Variants in NRP1 observed in about 807,000 individuals in gnomAD.
NRP1 encodes neuropilin 1.
In NRP1, 35 loss-of-function variants were observed where a neutral mutation model predicts 106.7. That is an observed-to-expected ratio of 0.33 (90% confidence interval 0.25 to 0.43). NRP1 has a LOEUF of 0.43. NRP1 is among the 20% of genes least tolerant of loss of function. NRP1 has a pLI of 1.00. For synonymous variants in NRP1, 437 were observed against 417.9 expected (o/e 1.05, Z -0.56); for missense variants, 1,024 against 1,170.4 (o/e 0.87, Z 1.83).
At chr10:33,199,390 T>TATATATATATATATATATA (rs57198890) in intron 11 of NRP1, among the ~76,000 whole-genome samples, 2 of 30,746 alleles carry the variant, frequency 6.5e-5, no homozygotes, top group African/African-American at 1.9e-4. Context: ...TATATATATA[T>TATATATATATATATATATA]TTTTTTTTTT....
intron 2 of NRP1, among the ~76,000 whole-genome samples, chr10:33,299,334 C>T (rs1206286028): frequency 6.6e-6 from 1 of 152,178 alleles, no homozygotes; most frequent in Non-Finnish European, 1.5e-5. Flanking sequence ...GCACAACATA[C>T]CAGCTTTTGG....
At chr10:33,226,325 C>T (rs370423580) in intron 6 of NRP1, 36 bp from the exon 7 acceptor site, 58 of 1,606,888 alleles carry the variant, frequency 3.6e-5, no homozygotes, top group Non-Finnish European at 4.7e-5. Context: ...AGTGCACCAT[C>T]CCTGCAGCAC....
rs560877146 is a variant in NRP1 at position 33,193,949 on chromosome 10, C to A, written c.1925-1531G>T. Among the ~76,000 whole-genome samples, 6 of 152,262 alleles carry A rather than the reference C, an allele frequency of 3.9e-5. No homozygotes were observed. In the East Asian group the frequency reaches 1.2e-3, roughly 29 times the overall value. ...TGACCTCCCAAAGGGTAGACAGAGC[C>A]AGTTTGGGAAAGTAAACTAGTAAGC... On this transcript the variant is annotated intron_variant, in intron 12 of 16. Coordinates refer to ENST00000374867, the MANE Select transcript of NRP1 (RefSeq NM_003873.7).
intron 13 of NRP1, among the ~76,000 whole-genome samples, chr10:33,188,475 C>A (rs542871975): frequency 6.6e-6 from 1 of 152,224 alleles, no homozygotes; most frequent in South Asian, 2.1e-4. Flanking sequence ...TGTAACAGGG[C>A]TTCTCAAATG....
At position 33,186,472 on chromosome 10, in the gene NRP1, G is replaced by T. The variant is rs148243076; in HGVS notation, c.2079C>A (p.Ile693=). 9.9e-6 allele frequency: 16 copies of T among 1,612,122 alleles called. No individual in the cohort carries two copies. The Middle Eastern group carries it at 6.6e-4, about 67-fold the overall frequency. Residue 693 remains isoleucine (I), a synonymous_variant, in exon 14 of 17, where the codon ATC becomes ATA. Transcript: ENST00000374867. Reference sequence around the variant, plus strand: ...TCTGATTTTCGTCAGCTTGGGAATAGATGAAGTTGCCATCTCCTGCTGTGA... The same window carrying T: ...TCTGATTTTCGTCAGCTTGGGAATATATGAAGTTGCCATCTCCTGCTGTGA... ...IQDHTGDGNF[I]YSQADENQKG...
intron 8 of NRP1, among the ~76,000 whole-genome samples, chr10:33,220,453 C>T (rs1393177192): frequency 6.6e-6 from 1 of 152,184 alleles, no homozygotes; most frequent in East Asian, 1.9e-4. Context: ...TGTCTTTGAA[C>T]TTCCAAGCTT....
intron 1 of NRP1, among the ~76,000 whole-genome samples, chr10:33,331,813 G>C (rs1187869200): frequency 6.6e-6 from 1 of 152,112 alleles, no homozygotes; most frequent in African/African-American, 2.4e-5. Context: ...TCATACTGGA[G>C]CACCTCAGCC....
At chr10:33,331,357 T>G (rs1291007922) in intron 1 of NRP1, among the ~76,000 whole-genome samples, 2 of 152,234 alleles carry the variant, frequency 1.3e-5, no homozygotes. Context: ...GGGATTGTCT[T>G]TGATTGGCTT....
Position 33,224,314 on chromosome 10 carries a change from C to A in NRP1, c.1137+1820G>T, listed in dbSNP as rs1277675619. Among the ~76,000 whole-genome samples, 3 of 152,250 alleles carry A rather than the reference C, an allele frequency of 2.0e-5. No individual in the cohort carries two copies. In the Middle Eastern group the frequency reaches 0.01, roughly 518 times the overall value. On this transcript the variant is annotated intron_variant, in intron 7 of 16. Coordinates refer to ENST00000374867, the MANE Select transcript of NRP1 (RefSeq NM_003873.7). ...AACACCCCTGTAATCTGTGGGTGCT[C>A]TCCGACAGCCCCCCTCTTCTGGGCC...
chr10:33,307,803 C>T (rs1362823886), intron 2 of NRP1, among the ~76,000 whole-genome samples: 3 of 151,970 alleles, frequency 2.0e-5, no homozygotes, highest in Non-Finnish European at 1.5e-5. Context: ...TGTGATTTAC[C>T]AAATGCTTGT....
At chr10:33,298,152 A>G (rs1184493784) in intron 2 of NRP1, among the ~76,000 whole-genome samples, 1 of 152,190 alleles carries the variant, frequency 6.6e-6, no homozygotes. Context: ...GCAAGAAAGC[A>G]TATATTTTCA....
At chr10:33,248,842 A>G (rs552376042) in intron 6 of NRP1, among the ~76,000 whole-genome samples, 1 of 152,284 alleles carries the variant, frequency 6.6e-6, no homozygotes, top group African/African-American at 2.4e-5. Context: ...CCCAAACAGG[A>G]TGTGGTTTAG....
chr10:33,198,549 G>A (rs1300386858), intron 11 of NRP1, among the ~76,000 whole-genome samples: 1 of 151,906 alleles, frequency 6.6e-6, no homozygotes, highest in East Asian at 1.9e-4. Flanking sequence ...ATTCCCAGAC[G>A]ACGCATGGCA....
rs970301784 is a variant in NRP1 at position 33,203,012 on chromosome 10, G to T, written c.1760-17C>A. ...CTGTAGGGGCTGAAACAAGATCCAAGGATTATTATCTCACACCTTGGAAAT... is the reference window on the plus strand; with the variant it reads ...CTGTAGGGGCTGAAACAAGATCCAATGATTATTATCTCACACCTTGGAAAT... On this transcript the variant is annotated splice_polypyrimidine_tract_variant and intron_variant, in intron 10 of 16. Transcript: ENST00000374867. The T allele has an allele frequency of 6.2e-7, 1 of 1,601,784 alleles. No homozygotes were observed.
chr10:33,251,224 C>T lies in NRP1; in HGVS notation c.981+2804G>A, dbSNP rs115230250. ...TCCTTCACTCGCCTCTTTCACCTGC[C>T]GCCATGTAAGACGTGCCTGCTTCCC... On this transcript the variant is annotated intron_variant, in intron 6 of 16. Transcript: ENST00000374867. Among the ~76,000 whole-genome samples the T allele has an allele frequency of 6.8e-3, 1,042 of 152,218 alleles. 11 individuals carry two copies. Among genetic ancestry groups the T allele is most frequent in the African/African-American group, 0.024 (980 of 41,526 alleles).
chr10:33,324,076 A>T (rs191935240), intron 2 of NRP1, among the ~76,000 whole-genome samples: 1 of 152,330 alleles, frequency 6.6e-6, no homozygotes. Context: ...AACACAAAAC[A>T]ACCTCGTAAT....
chr10:33,287,288 A>T (rs2132599293), intron 2 of NRP1, among the ~76,000 whole-genome samples: 1 of 152,344 alleles, frequency 6.6e-6, no homozygotes, highest in Non-Finnish European at 1.5e-5. Context: ...CGTTAAACAC[A>T]GGCTGTGCAA....
Position 33,256,336 on chromosome 10 carries a change from A to C in NRP1, c.794T>G (p.Leu265Trp). ...CTGACCTTCTGAGACACTGCTCTGC[A>C]AGACACTGTAGTTTGCTGAGAAACC... ...KEGFSANYSV[L>W]QSSVSEDFKC... Residue 265 changes from leucine (L) to tryptophan (W), a missense_variant, in exon 5 of 17, where the codon TTG becomes TGG. By Grantham distance (61) the Leu-to-Trp change is moderately conservative. This residue lies in a region of NRP1 where 6 missense variants were observed against 26.6 expected (regional missense o/e 0.23). Transcript: ENST00000374867. 2 of 1,614,210 alleles carry C rather than the reference A, an allele frequency of 1.2e-6. No homozygotes were observed.
At chr10:33,306,970 C>T (rs1323592001) in intron 2 of NRP1, among the ~76,000 whole-genome samples, 1 of 152,258 alleles carries the variant, frequency 6.6e-6, no homozygotes, top group Non-Finnish European at 1.5e-5. Flanking sequence ...AGAGCTACAG[C>T]TGCCTGACAG....
Sources: allele counts gnomAD v4.1 joint callset (sites outside exome capture counted in the v4.1 genomes callset), GRCh38; gene constraint gnomAD v4.1.1; regional missense constraint gnomAD v4.1.1; transcripts MANE v1.5; gene names NCBI Gene and HGNC (gene_info 2026-07-23, HGNC 2026-07-21).